DOCK2: variants seen among roughly 807,000 people sequenced by gnomAD.
DOCK2 encodes the protein dedicator of cytokinesis 2.
Under a neutral mutation model 248.9 loss-of-function variants are expected in DOCK2, and 87 were observed. That is an observed-to-expected ratio of 0.35 (90% CI 0.29 to 0.42). The LOEUF (loss-of-function observed/expected upper bound fraction) is 0.42, where lower values mean the gene tolerates loss of function less well. Ranked by LOEUF, DOCK2 falls within the 10% of genes least tolerant of loss-of-function variation. The pLI, the probability that DOCK2 is intolerant of heterozygous loss-of-function variation, is 1.00. For synonymous variants in DOCK2, 805 were observed against 821.6 expected, an observed-to-expected ratio of 0.98 and a Z score of 0.35; for missense variants, 1,747 against 2,300.2, an observed-to-expected ratio of 0.76 and a Z score of 4.92.
rs141332812 is a variant in DOCK2, at chr5:170,022,694, G to A, written c.3381+3586G>A. Among the ~76,000 whole-genome samples the A allele has an allele frequency of 4.6e-5, 7 of 152,136 alleles. No individual in the cohort carries two copies. In the East Asian group the frequency reaches 5.8e-4, roughly 13 times the overall value. ...GTATCCTATCCTGCCTGGATTGAGC[G>A]GTCATCACACTTGTCCCACACAGCA... On this transcript the variant is annotated intron_variant, in intron 33 of 51. Transcript: ENST00000520908.
chr5:170,063,164 A>G (rs556159724), intron 44 of DOCK2, among the ~76,000 whole-genome samples: 1 of 152,336 alleles, frequency 6.6e-6, no homozygotes, highest in East Asian at 1.9e-4. Flanking sequence ...TACAGGCATG[A>G]AAGCACTTCC....
chr5:170,055,505 GT>G, intron 42 of DOCK2, 119 bp downstream of exon 42: 2 of 897,478 alleles, frequency 2.2e-6, no homozygotes, highest in South Asian at 1.6e-5. Flanking sequence ...ATCTTAGCCA[GT>G]TTTTCCCCCC....
chr5:169,784,159 A>C (rs1765865369), intron 25 of DOCK2, among the ~76,000 whole-genome samples: 1 of 151,896 alleles, frequency 6.6e-6, no homozygotes, highest in Non-Finnish European at 1.5e-5. Flanking sequence ...CAGTTTCAAA[A>C]TGCTCTTTTG....
chr5:169,759,370 A>G (rs1242320136), intron 23 of DOCK2, among the ~76,000 whole-genome samples: 1 of 152,226 alleles, frequency 6.6e-6, no homozygotes, highest in Non-Finnish European at 1.5e-5. Flanking sequence ...TATTTCACAG[A>G]TAAGTAAATG....
At chr5:169,856,740 G>A (rs1770918792) in intron 27 of DOCK2, among the ~76,000 whole-genome samples, 1 of 152,174 alleles carries the variant, frequency 6.6e-6, no homozygotes, top group Admixed American at 6.5e-5. Flanking sequence ...GAAACACTGT[G>A]TGAATCACTC....
intron 25 of DOCK2, among the ~76,000 whole-genome samples, chr5:169,771,764 C>A (rs1765101149): frequency 6.6e-6 from 1 of 152,106 alleles, no homozygotes; most frequent in Non-Finnish European, 1.5e-5. Flanking sequence ...ACAATCAAAT[C>A]AATGTTTTTT....
At chr5:169,783,289 G>A (rs540932059) in intron 25 of DOCK2, among the ~76,000 whole-genome samples, 7 of 152,280 alleles carry the variant, frequency 4.6e-5, no homozygotes, top group African/African-American at 1.7e-4. Flanking sequence ...GGCCCCAAAT[G>A]TACAAAGAGT....
At chr5:169,946,396 C>T (rs945035367) in intron 27 of DOCK2, among the ~76,000 whole-genome samples, 1 of 152,168 alleles carries the variant, frequency 6.6e-6, no homozygotes, top group Non-Finnish European at 1.5e-5. Context: ...CAGGAGCTAC[C>T]TTTATGTTTC....
intron 5 of DOCK2, among the ~76,000 whole-genome samples, chr5:169,673,201 TC>T (rs1759133779): frequency 3.3e-5 from 5 of 151,666 alleles, no homozygotes; most frequent in African/African-American, 9.7e-5. Context: ...CCTAGTTGGT[TC>T]CTCTGCAACC....
chr5:170,029,628 C>T (rs1260002971), intron 34 of DOCK2, among the ~76,000 whole-genome samples: 1 of 152,200 alleles, frequency 6.6e-6, no homozygotes, highest in Admixed American at 6.5e-5. Context: ...CTGTCTTTGA[C>T]AGCTTGGTAA....
intron 27 of DOCK2, among the ~76,000 whole-genome samples, chr5:169,890,722 G>A (rs1773231817): frequency 6.6e-6 from 1 of 152,062 alleles, no homozygotes; most frequent in Admixed American, 6.5e-5. Flanking sequence ...ATATATTTGG[G>A]ACCCTGAAAG....
intron 26 of DOCK2, among the ~76,000 whole-genome samples, chr5:169,824,021 A>C (rs1289089566): frequency 6.6e-6 from 1 of 152,234 alleles, no homozygotes; most frequent in African/African-American, 2.4e-5. Flanking sequence ...CTCTTTCATA[A>C]TTGCTTCAAA....
chr5:169,717,076 G>T (rs1462992478), intron 20 of DOCK2, among the ~76,000 whole-genome samples: 3 of 152,110 alleles, frequency 2.0e-5, no homozygotes, highest in African/African-American at 7.2e-5. Context: ...CCCTTTTAGA[G>T]ATTCACAATG....
Position 169,764,349 on chromosome 5 carries a change from G to A in DOCK2, c.2554+2724G>A, listed in dbSNP as rs1282041137. Among the ~76,000 whole-genome samples the A allele has an allele frequency of 6.6e-6, 1 of 152,192 alleles. No homozygotes were observed. Among genetic ancestry groups the A allele is most frequent in the African/African-American group, 2.4e-5 (1 of 41,442 alleles). Reference sequence around the variant, plus strand: ...AGACTACCCTATTGGCCTGTCATCAGAAGGATCCTATGGAGAAGGTGGAGA... The same window carrying A: ...AGACTACCCTATTGGCCTGTCATCAAAAGGATCCTATGGAGAAGGTGGAGA... On this transcript the variant is annotated intron_variant, in intron 25 of 51. Coordinates refer to ENST00000520908, the MANE Select transcript of DOCK2 (RefSeq NM_004946.3). This position sits in a 1 kb window ranked among gnomAD's most constrained non-coding sequence, Gnocchi z 4.3.
At chr5:169,904,648 G>A (rs1193899692) in intron 27 of DOCK2, among the ~76,000 whole-genome samples, 4 of 152,132 alleles carry the variant, frequency 2.6e-5, no homozygotes, top group African/African-American at 4.8e-5. Context: ...TGAGGGCCCC[G>A]CAGTCCTTTA....
chr5:169,640,927 C>T (rs903338566), intron 1 of DOCK2, among the ~76,000 whole-genome samples: 1 of 152,200 alleles, frequency 6.6e-6, no homozygotes, highest in African/African-American at 2.4e-5. Context: ...TATGGTTTTA[C>T]ACCCATGTGT....
At chr5:169,917,924 AG>A (rs2113641354) in intron 27 of DOCK2, among the ~76,000 whole-genome samples, 1 of 152,358 alleles carries the variant, frequency 6.6e-6, no homozygotes, top group Admixed American at 6.5e-5. Context: ...GTCTCATTTC[AG>A]GGCAGAGGGA....
intron 27 of DOCK2, among the ~76,000 whole-genome samples, chr5:169,936,710 C>T (rs1776018706): frequency 6.6e-6 from 1 of 151,700 alleles, no homozygotes; most frequent in Non-Finnish European, 1.5e-5. Context: ...GGGCGCGCTC[C>T]AGCCTATATA....
intron 40 of DOCK2, among the ~76,000 whole-genome samples, chr5:170,049,915 C>T (rs1331044098): frequency 6.6e-6 from 1 of 152,172 alleles, no homozygotes; most frequent in Non-Finnish European, 1.5e-5. Flanking sequence ...CCATTACAGG[C>T]AACGGGGAAA....
Sources: allele counts gnomAD v4.1 joint callset (sites outside exome capture counted in the v4.1 genomes callset), GRCh38; gene constraint gnomAD v4.1.1; non-coding constraint Gnocchi (gnomAD v3.1); transcripts MANE v1.5; gene names NCBI Gene and HGNC (gene_info 2026-07-23, HGNC 2026-07-21).